Variants in EPHA5 observed in about 807,000 individuals in gnomAD.
EPHA5 encodes ephrin type-A receptor 5.
Under a neutral mutation model 105.0 loss-of-function variants are expected in EPHA5, and 60 were observed. That is an observed-to-expected ratio of 0.57 (90% CI 0.46 to 0.71). The LOEUF (loss-of-function observed/expected upper bound fraction) is 0.71. EPHA5 is among the 30% of genes least tolerant of loss of function. The probability of loss-of-function intolerance (pLI) is 0.00; values close to 1 mark genes in which losing one functional copy is unlikely to be tolerated. For missense variants in EPHA5, 1,218 were observed against 1,274.7 expected, an observed-to-expected ratio of 0.96 and a Z score of 0.68; for synonymous variants, 513 against 449.1, an observed-to-expected ratio of 1.14 and a Z score of -1.80.
chr4:65,638,180 T>G (rs928312377), intron 2 of EPHA5, among the ~76,000 whole-genome samples: 5 of 152,178 alleles, frequency 3.3e-5, no homozygotes, highest in African/African-American at 1.2e-4. Flanking sequence ...ATTGCTTTTT[T>G]ATTATTTATA....
intron 2 of EPHA5, among the ~76,000 whole-genome samples, chr4:65,621,136 C>T (rs985513658): frequency 2.6e-5 from 4 of 152,028 alleles, no homozygotes; most frequent in African/African-American, 9.7e-5. Context: ...AGGATAAAAC[C>T]TAGTTTGAAT....
At chr4:65,384,370 C>A (rs938946142) in intron 8 of EPHA5, among the ~76,000 whole-genome samples, 8 of 151,918 alleles carry the variant, frequency 5.3e-5, no homozygotes, top group Non-Finnish European at 1.5e-5. Context: ...AGCAACTGGT[C>A]CAAGAAGTCA....
chr4:65,339,358 T>C (rs762377028), intron 14 of EPHA5, among the ~76,000 whole-genome samples: 2 of 152,098 alleles, frequency 1.3e-5, no homozygotes, highest in African/African-American at 4.8e-5. Context: ...ATATCACCCA[T>C]CCAGAGTATG....
intron 3 of EPHA5, among the ~76,000 whole-genome samples, chr4:65,520,090 A>G (rs531897298): frequency 1.3e-5 from 2 of 152,292 alleles, no homozygotes; most frequent in South Asian, 4.1e-4. Context: ...AGCCAAAAGA[A>G]CAAAGCTGAA....
At position 65,620,018 on chromosome 4, in the gene EPHA5, G is replaced by A. The variant is rs949368025; in HGVS notation, c.247-17714C>T. Among the ~76,000 whole-genome samples, 10 of 149,568 alleles carry A rather than the reference G, an allele frequency of 6.7e-5. 1 individual carries two copies. The highest frequency in any genetic ancestry group is 5.3e-4 in the Admixed American group (8 of 14,982). ...TTAAACACTAGTTTAATCATCAATA[G>A]TATCACAACCATCTCTGGTGTGTGT... On this transcript the variant is annotated intron_variant, in intron 2 of 16. Transcript: ENST00000613740.
chr4:65,631,976 A>C (rs1746677834), intron 2 of EPHA5, among the ~76,000 whole-genome samples: 2 of 150,756 alleles, frequency 1.3e-5, no homozygotes, highest in South Asian at 4.2e-4. Flanking sequence ...AACCAAGAAC[A>C]AGAACAAGAA....
At chr4:65,352,164 G>A (rs138576410) in intron 12 of EPHA5, among the ~76,000 whole-genome samples, 1 of 152,054 alleles carries the variant, frequency 6.6e-6, no homozygotes, top group Non-Finnish European at 1.5e-5. Flanking sequence ...TAAAATAAAG[G>A]AATGGCGTGA....
chr4:65,626,701 C>G (rs116624873), intron 2 of EPHA5, among the ~76,000 whole-genome samples: 1 of 152,160 alleles, frequency 6.6e-6, no homozygotes, highest in Non-Finnish European at 1.5e-5. Context: ...TACATGCTCA[C>G]ATGTAATACA....
chr4:65,415,241 C>T (rs1404833197), intron 6 of EPHA5, among the ~76,000 whole-genome samples: 1 of 152,014 alleles, frequency 6.6e-6, no homozygotes, highest in Non-Finnish European at 1.5e-5. Context: ...TCAAATATAA[C>T]GGGTCCATTT....
chr4:65,320,683 G>C lies in EPHA5; in HGVS notation c.*3431C>G, dbSNP rs1436593643. ...ACTTTCACATACAGATTAAGTAGAA[G>C]ACATGAAAACACATAAGTGCTCAAA... On this transcript the variant is annotated 3_prime_UTR_variant, in exon 17 of 17. Transcript: ENST00000613740. The C allele has an allele frequency of 4.4e-6, 1 of 229,796 alleles. No individual in the cohort carries two copies. The highest frequency in any genetic ancestry group is 8.6e-6 in the Non-Finnish European group (1 of 115,912). 14.2% of individuals were successfully genotyped at this position (229,796 alleles called of 1,614,324 possible).
At chr4:65,513,580 G>T (rs183310111) in intron 3 of EPHA5, among the ~76,000 whole-genome samples, 2 of 151,938 alleles carry the variant, frequency 1.3e-5, no homozygotes, top group South Asian at 2.1e-4. Flanking sequence ...AGAGAGGGGG[G>T]TTTTACCATG....
intron 1 of EPHA5, among the ~76,000 whole-genome samples, chr4:65,647,680 C>G (rs1477110619): frequency 6.6e-6 from 1 of 151,824 alleles, no homozygotes. Context: ...TTTTTTCATT[C>G]TATTATTTAT....
At chr4:65,525,297 A>G (rs140123567) in intron 3 of EPHA5, among the ~76,000 whole-genome samples, 1 of 151,832 alleles carries the variant, frequency 6.6e-6, no homozygotes, top group Admixed American at 6.6e-5. Context: ...ATAATTTAAT[A>G]TAATTTCATT....
intron 3 of EPHA5, among the ~76,000 whole-genome samples, chr4:65,561,261 G>A (rs1251621502): frequency 1.3e-5 from 2 of 151,948 alleles, no homozygotes; most frequent in Non-Finnish European, 2.9e-5. Context: ...ATCTAAGAAT[G>A]GGAAGACCTA....
intron 2 of EPHA5, among the ~76,000 whole-genome samples, chr4:65,642,108 C>G (rs897208888): frequency 6.6e-6 from 1 of 151,994 alleles, no homozygotes; most frequent in Non-Finnish European, 1.5e-5. Context: ...GAGAATATCT[C>G]ATATATTTTC....
chr4:65,375,061 A>C (rs1718856315), intron 8 of EPHA5, among the ~76,000 whole-genome samples: 1 of 151,966 alleles, frequency 6.6e-6, no homozygotes, highest in Non-Finnish European at 1.5e-5. Flanking sequence ...AACTTCACAA[A>C]ATATAGCAAT....
intron 16 of EPHA5, among the ~76,000 whole-genome samples, chr4:65,326,767 G>A (rs910721253): frequency 1.3e-4 from 19 of 151,224 alleles, no homozygotes; most frequent in Admixed American, 1.3e-4. Context: ...TCCAGATTGG[G>A]AAATATGGTT....
At chr4:65,620,594 T>G (rs528865488) in intron 2 of EPHA5, among the ~76,000 whole-genome samples, 145 of 152,274 alleles carry the variant, frequency 9.5e-4, no homozygotes, top group African/African-American at 3.4e-3. Flanking sequence ...TTCACATTCT[T>G]TAAACAGAAA....
chr4:65,559,417 TC>T (rs1738784415), intron 3 of EPHA5, among the ~76,000 whole-genome samples: 1 of 152,114 alleles, frequency 6.6e-6, no homozygotes, highest in Non-Finnish European at 1.5e-5. Context: ...CAGAGGACGC[TC>T]CCCATTCCCA....
Sources: gnomAD v4.1 joint callset for allele counts (sites outside exome capture counted in the v4.1 genomes callset) on GRCh38, gnomAD v4.1.1 for gene constraint, MANE v1.5 for transcripts, NCBI Gene and HGNC (gene_info 2026-07-23, HGNC 2026-07-21) for gene names.